Variants in LRP1B observed in about 807,000 individuals in gnomAD.
LRP1B encodes low-density lipoprotein receptor-related protein 1B.
A neutral mutation model predicts 556.6 loss-of-function variants in LRP1B; 217 were observed. The ratio of observed to expected loss-of-function variants is 0.39; its 90% CI spans 0.35 to 0.44. The LOEUF is 0.44. Ranked by LOEUF, LRP1B falls within the 20% of genes least tolerant of loss-of-function variation. The probability of loss-of-function intolerance (pLI) is 1.00; values close to 1 mark genes in which losing one functional copy is unlikely to be tolerated. For missense variants in LRP1B, 5,053 were observed against 5,620.8 expected (o/e 0.90, Z 3.23); for synonymous variants, 2,047 against 1,865.8 (o/e 1.10, Z -2.50).
intron 2 of LRP1B, among the ~76,000 whole-genome samples, chr2:141,489,431 T>A (rs1372930335): frequency 6.6e-6 from 1 of 152,038 alleles, no homozygotes; most frequent in Non-Finnish European, 1.5e-5. Flanking sequence ...TGCATTATAA[T>A]ATCTGTAATT....
intron 3 of LRP1B, among the ~76,000 whole-genome samples, chr2:141,362,992 G>A (rs568656660): frequency 7.9e-5 from 12 of 152,098 alleles, no homozygotes; most frequent in Non-Finnish European, 1.6e-4. Context: ...GATTATTTCA[G>A]TCTCCAGCTT....
intron 42 of LRP1B, among the ~76,000 whole-genome samples, chr2:140,600,194 C>T (rs1682598695): frequency 6.6e-6 from 1 of 152,066 alleles, no homozygotes; most frequent in African/African-American, 2.4e-5. Context: ...TCAAAACTGA[C>T]TTACAAATTC....
At chr2:141,330,513 GATTT>G (rs1687599227) in intron 3 of LRP1B, among the ~76,000 whole-genome samples, 1 of 152,082 alleles carries the variant, frequency 6.6e-6, no homozygotes, top group South Asian at 2.1e-4. Flanking sequence ...CTCTGTAATT[GATTT>G]ATTAGTACAC....
chr2:141,286,304 A>T (rs534306548), intron 3 of LRP1B, among the ~76,000 whole-genome samples: 14 of 151,692 alleles, frequency 9.2e-5, no homozygotes, highest in East Asian at 1.9e-4. Flanking sequence ...CCTAAGCTAA[A>T]CTTTTTTTTA....
intron 20 of LRP1B, among the ~76,000 whole-genome samples, chr2:140,946,547 G>A (rs1695553588): frequency 6.6e-6 from 1 of 152,114 alleles, no homozygotes; most frequent in South Asian, 2.1e-4. Flanking sequence ...GTTGCAGTGA[G>A]CTGAGATCAT....
At chr2:141,291,737 TC>T (rs1199933557) in intron 3 of LRP1B, among the ~76,000 whole-genome samples, 6 of 151,418 alleles carry the variant, frequency 4.0e-5, no homozygotes, top group African/African-American at 1.5e-4. Context: ...GCACCTGTAA[TC>T]CCAGCTACTT....
chr2:140,886,759 C>T (rs1414162250), intron 23 of LRP1B, among the ~76,000 whole-genome samples: 1 of 152,026 alleles, frequency 6.6e-6, no homozygotes, highest in Non-Finnish European at 1.5e-5. Context: ...TAGAGGAGAA[C>T]TATCCAACAA....
At chr2:141,621,261 G>T (rs572497248) in intron 2 of LRP1B, among the ~76,000 whole-genome samples, 1 of 152,006 alleles carries the variant, frequency 6.6e-6, no homozygotes, top group Non-Finnish European at 1.5e-5. Flanking sequence ...TAAAAATTAC[G>T]TGGAAAGGGG....
chr2:140,633,657 T>C (rs1683974017), intron 41 of LRP1B, among the ~76,000 whole-genome samples: 2 of 152,076 alleles, frequency 1.3e-5, no homozygotes, highest in African/African-American at 4.8e-5. Flanking sequence ...GCCAAGGACA[T>C]TGAAAGAATA....
chr2:141,139,687 C>A (rs1025772861), intron 7 of LRP1B, among the ~76,000 whole-genome samples: 4 of 151,498 alleles, frequency 2.6e-5, no homozygotes, highest in African/African-American at 9.7e-5. Context: ...TTAAAAAAGA[C>A]CGACTAGACC....
At position 142,019,861 on chromosome 2, in the gene LRP1B, T is replaced by C. The variant is rs370102031; in HGVS notation, c.82+110787A>G. 1.2e-4 allele frequency among the ~76,000 whole-genome samples: 19 copies of C among 152,188 alleles called. No individual in the cohort carries two copies. The South Asian group carries it at 3.7e-3, about 30-fold the overall frequency. On this transcript the variant is annotated intron_variant, in intron 1 of 90. Transcript: ENST00000389484. ...GTGCTTCTCCAAATCTTGAGCAAGC[T>C]TTTCAAATCCTTGCTCAGATGTCAC...
chr2:141,028,399 A>T (rs190911640), intron 11 of LRP1B, among the ~76,000 whole-genome samples: 1 of 151,938 alleles, frequency 6.6e-6, no homozygotes, highest in African/African-American at 2.4e-5. Context: ...AAAAAATGAG[A>T]TGTTGATTCA....
chr2:141,667,952 C>A (rs145016609), intron 2 of LRP1B, among the ~76,000 whole-genome samples: 3 of 152,244 alleles, frequency 2.0e-5, no homozygotes, highest in African/African-American at 7.2e-5. Context: ...GAAAGTAATA[C>A]ATGCTTTTAC....
intron 85 of LRP1B, among the ~76,000 whole-genome samples, chr2:140,271,994 GTT>G (rs1682480925): frequency 6.6e-6 from 1 of 151,846 alleles, no homozygotes. Context: ...AAAGATAACT[GTT>G]TATCAAATCT....
At chr2:141,401,939 T>A (rs1484511404) in intron 3 of LRP1B, among the ~76,000 whole-genome samples, 1 of 152,200 alleles carries the variant, frequency 6.6e-6, no homozygotes, top group Non-Finnish European at 1.5e-5. Context: ...GTTTTTCAAA[T>A]TTTTAAGCAT....
At chr2:140,270,143 C>A in intron 86 of LRP1B, 99 bp downstream of exon 86, 8 of 806,268 alleles carry the variant, frequency 9.9e-6, no homozygotes, top group Non-Finnish European at 1.3e-5. Flanking sequence ...ATGAAACACT[C>A]ATTTAAAATT....
chr2:141,996,205 A>G (rs1702484997), intron 1 of LRP1B, among the ~76,000 whole-genome samples: 1 of 52,212 alleles, frequency 1.9e-5, no homozygotes, highest in African/African-American at 6.7e-5. Flanking sequence ...CAACAGAGCG[A>G]GACTCAAAAA....
At chr2:140,553,140 T>A (rs546062359) in intron 43 of LRP1B, among the ~76,000 whole-genome samples, 1 of 152,218 alleles carries the variant, frequency 6.6e-6, no homozygotes, top group Non-Finnish European at 1.5e-5. Flanking sequence ...ACAATCATTA[T>A]GAGAAATGAC....
At chr2:141,414,184 C>A (rs1016943412) in intron 3 of LRP1B, among the ~76,000 whole-genome samples, 12 of 138,120 alleles carry the variant, frequency 8.7e-5, no homozygotes, top group Non-Finnish European at 1.4e-4. Flanking sequence ...TTGCAGTGAG[C>A]GGAGATAGCG....
Sources: gnomAD v4.1 joint callset for allele counts (sites outside exome capture counted in the v4.1 genomes callset) on GRCh38, gnomAD v4.1.1 for gene constraint, MANE v1.5 for transcripts, NCBI Gene and HGNC (gene_info 2026-07-23, HGNC 2026-07-21) for gene names.